GOLGB1: variants seen among roughly 807,000 people sequenced by gnomAD.
GOLGB1 encodes the protein golgin B1, also known as golgin subfamily B member 1.
In GOLGB1, 174 loss-of-function variants were observed where a neutral mutation model predicts 336.9. The observed-to-expected ratio is 0.52, with a 90% CI of 0.46 to 0.59. GOLGB1 has a LOEUF of 0.59. Among genes scored for constraint, GOLGB1 ranks in the 20% least tolerant of loss-of-function variants. The probability of loss-of-function intolerance (pLI) is 0.00; values close to 1 mark genes in which losing one functional copy is unlikely to be tolerated. For missense variants in GOLGB1, 3,331 were observed against 3,645.3 expected (o/e 0.91, Z 2.22); for synonymous variants, 1,208 against 1,289.2 (o/e 0.94, Z 1.35).
At position 121,709,511 on chromosome 3, in the gene GOLGB1, G is replaced by A. The variant is rs369627780; in HGVS notation, c.1404+5350C>T. 2.6e-5 allele frequency among the ~76,000 whole-genome samples: 4 copies of A among 152,032 alleles called. No individual in the cohort carries two copies. In the South Asian group the frequency reaches 8.3e-4, roughly 32 times the overall value. ...ATGAAATTATATTAGAAATCAATAA[G>A]ATATCTAGAAATAAAACCAAGTATC... On this transcript the variant is annotated intron_variant, in intron 10 of 21. Coordinates refer to ENST00000614479, the MANE Select transcript of GOLGB1 (RefSeq NM_001366282.2).
At position 121,697,675 on chromosome 3, in the gene GOLGB1, T is replaced by G. The variant is rs1236340022; in HGVS notation, c.2848A>C (p.Lys950Gln). 3.7e-6 allele frequency: 6 copies of G among 1,612,638 alleles called. No homozygotes were observed. Among genetic ancestry groups the G allele is most frequent in the Non-Finnish European group, 5.1e-6 (6 of 1,179,794 alleles). ...LNLLSRAEEA[K>Q]KEQVEEDNEV... Reference sequence around the variant, plus strand: ...TTATCTTCTTCCACCTGCTCTTTTTTTGCTTCCTCAGCTCTGGATAATAAA... The same window carrying G: ...TTATCTTCTTCCACCTGCTCTTTTTGTGCTTCCTCAGCTCTGGATAATAAA... The change falls in exon 13 of 22, where the codon AAA becomes CAA. Residue 950 changes from lysine to glutamine, a missense_variant. Coordinates refer to ENST00000614479, the MANE Select transcript of GOLGB1 (RefSeq NM_001366282.2).
intron 17 of GOLGB1, among the ~76,000 whole-genome samples, chr3:121,673,679 T>C (rs564926304): frequency 6.8e-6 from 1 of 147,680 alleles, no homozygotes; most frequent in East Asian, 2.0e-4. Flanking sequence ...CTATTATAAA[T>C]GGGATTGCTA....
intron 6 of GOLGB1, among the ~76,000 whole-genome samples, chr3:121,720,981 G>T (rs1945152533): frequency 6.6e-6 from 1 of 152,094 alleles, no homozygotes. Flanking sequence ...AAATTACGAT[G>T]AATCTCTTAA....
At chr3:121,670,233 C>T (rs1450941515) in intron 17 of GOLGB1, among the ~76,000 whole-genome samples, 1 of 152,104 alleles carries the variant, frequency 6.6e-6, no homozygotes, top group Non-Finnish European at 1.5e-5. Flanking sequence ...ACATTAATAA[C>T]CATGGAGATG....
intron 1 of GOLGB1, among the ~76,000 whole-genome samples, chr3:121,746,529 A>T (rs979799746): frequency 1.3e-5 from 2 of 151,886 alleles, no homozygotes; most frequent in African/African-American, 2.4e-5. Context: ...GTCGCCCAGG[A>T]TGGAGTGCAG....
At chr3:121,687,282 A>C (rs934898781) in intron 14 of GOLGB1, among the ~76,000 whole-genome samples, 3 of 152,166 alleles carry the variant, frequency 2.0e-5, no homozygotes, top group African/African-American at 7.2e-5. Flanking sequence ...CAAACAAAAA[A>C]ACAGGGTCTT....
chr3:121,690,389 T>C (rs756601712), intron 14 of GOLGB1, among the ~76,000 whole-genome samples: 7 of 152,198 alleles, frequency 4.6e-5, no homozygotes, highest in Non-Finnish European at 1.0e-4. Context: ...ATATAAAATA[T>C]ATAAAACAGT....
intron 14 of GOLGB1, among the ~76,000 whole-genome samples, chr3:121,687,662 G>A (rs1941891035): frequency 6.6e-6 from 1 of 152,196 alleles, no homozygotes; most frequent in South Asian, 2.1e-4. Flanking sequence ...TAACTATCCA[G>A]CAGACAAAAA....
chr3:121,678,851 C>A lies in GOLGB1; in HGVS notation c.8874-1401G>T, dbSNP rs1472441792. Among the ~76,000 whole-genome samples the A allele has an allele frequency of 2.6e-5, 4 of 152,072 alleles. No individual in the cohort carries two copies. The South Asian group carries it at 8.3e-4, about 32-fold the overall frequency. On this transcript the variant is annotated intron_variant, in intron 15 of 21. Coordinates refer to ENST00000614479, the MANE Select transcript of GOLGB1 (RefSeq NM_001366282.2). ...ACAGGTGTGAGCCACCGCACCCAGC[C>A]AAGTATGAATTTATTAAGGCAGCAT...
In GOLGB1 at chr3:121,744,131, AATG is replaced by A. The variant is rs572449855; in HGVS notation, c.-3+5498_-3+5500del. ...CACATACACATGAACACAGGATAAT[AATG>A]ATAATATTAATGGCAACAATTGAGA... On this transcript the variant is annotated intron_variant, in intron 1 of 21. Transcript: ENST00000614479. Among the ~76,000 whole-genome samples, 232 of 152,328 alleles carry A rather than the reference AATG, an allele frequency of 1.5e-3. 1 individual carries two copies. The highest frequency in any genetic ancestry group is 5.2e-3 in the African/African-American group (218 of 41,564).
Position 121,667,521 on chromosome 3 carries a change from A to G in GOLGB1, c.9509T>C (p.Val3170Ala). 7 of 1,613,986 alleles carry G rather than the reference A, an allele frequency of 4.3e-6. No individual in the cohort carries two copies. The highest frequency in any genetic ancestry group is 5.9e-6 in the Non-Finnish European group (7 of 1,179,922). The stretch of plus-strand genomic sequence containing the variant: ...CACAGAGAGAGCATTCTCAGCAGCC[A>G]CTCTTTGGTCTCGTTCTTCTTCCAG... Reference protein sequence around the residue: ...KLLEEERDQRVAAENALSVAE... With the variant: ...KLLEEERDQRAAAENALSVAE... Residue 3170 changes from valine (V) to alanine (A), a missense_variant, in exon 20 of 22, where the codon GTG (valine) becomes GCG (alanine). Transcript: ENST00000614479.
chr3:121,742,346 G>T (rs1001160380), intron 1 of GOLGB1, among the ~76,000 whole-genome samples: 23 of 152,066 alleles, frequency 1.5e-4, no homozygotes, highest in African/African-American at 5.6e-4. Flanking sequence ...TGACAAACCT[G>T]ACAAAAACAA....
At chr3:121,674,241 T>C (rs1275501439) in intron 17 of GOLGB1, among the ~76,000 whole-genome samples, 2 of 152,152 alleles carry the variant, frequency 1.3e-5, no homozygotes, top group South Asian at 4.1e-4. Context: ...ATGTGCTTTT[T>C]TTTTTGTTTT....
rs1938259896 is a variant in GOLGB1 at position 121,664,133 on chromosome 3, C to T, written c.*347G>A. ...CTTCAGATTATTAGGTTTATTGAAACCATCCTCTTGGCTTGGCTGAAAGAC... is the reference window on the plus strand; with the variant it reads ...CTTCAGATTATTAGGTTTATTGAAATCATCCTCTTGGCTTGGCTGAAAGAC... On this transcript the variant is annotated 3_prime_UTR_variant, in exon 22 of 22. Transcript: ENST00000614479. The T allele has an allele frequency of 4.2e-6, 1 of 240,472 alleles. No individual in the cohort carries two copies. The allele number at this position is 240,472 out of a possible 1,614,324, so 14.9% of individuals were successfully genotyped here.
intron 14 of GOLGB1, among the ~76,000 whole-genome samples, chr3:121,684,295 A>G (rs1432260875): frequency 6.6e-6 from 1 of 150,770 alleles, no homozygotes; most frequent in Non-Finnish European, 1.5e-5. Flanking sequence ...AAAAGGGAAA[A>G]GTTAAGAAAA....
At chr3:121,724,000 T>C (rs1285065691) in intron 5 of GOLGB1, among the ~76,000 whole-genome samples, 2 of 152,204 alleles carry the variant, frequency 1.3e-5, no homozygotes, top group Non-Finnish European at 2.9e-5. Context: ...TCAGCCTCCA[T>C]AACTTCTTAT....
chr3:121,724,545 A>G (rs1030023698), intron 5 of GOLGB1, among the ~76,000 whole-genome samples: 6 of 147,940 alleles, frequency 4.1e-5, no homozygotes, highest in South Asian at 2.1e-4. Context: ...CAGTGAACAG[A>G]GAAAAAGAAA....
At chr3:121,683,134 T>C (rs1489657577) in intron 14 of GOLGB1, among the ~76,000 whole-genome samples, 2 of 134,236 alleles carry the variant, frequency 1.5e-5, no homozygotes, top group Admixed American at 8.1e-5. Context: ...ACTCCTGGAC[T>C]CAAGTGATCC....
rs1945050034 is a variant in GOLGB1, at chr3:121,719,780, T to C, written c.649-12A>G. On this transcript the variant is annotated splice_polypyrimidine_tract_variant and intron_variant, in intron 6 of 21. Transcript: ENST00000614479. ...TGCATGGAACTCAACTGAAGACACA[T>C]ACCAGAGAAACTATGCAAGTTACAC... 6.3e-7 allele frequency: 1 copy of C among 1,588,998 alleles called. No homozygotes were observed.
Sources: gnomAD v4.1 joint callset for allele counts (sites outside exome capture counted in the v4.1 genomes callset) on GRCh38, gnomAD v4.1.1 for gene constraint, MANE v1.5 for transcripts, NCBI Gene and HGNC (gene_info 2026-07-23, HGNC 2026-07-21) for gene names.